The following MBNL3 variants were observed in gnomAD, a reference collection of about 807,000 sequenced individuals.
The protein encoded by MBNL3 is muscleblind like splicing regulator 3, also known as muscleblind-like protein 3.
In MBNL3, 6 loss-of-function variants were observed where a neutral mutation model predicts 24.5. The ratio of observed to expected loss-of-function variants is 0.25; its 90% CI spans 0.13 to 0.48. The LOEUF (loss-of-function observed/expected upper bound fraction) is 0.48, where lower values mean the gene tolerates loss of function less well. Among genes scored for constraint, MBNL3 ranks in the 20% least tolerant of loss-of-function variants. MBNL3 has a pLI of 0.99. For synonymous variants in MBNL3, 100 were observed against 101.7 expected (o/e 0.98, Z 0.10); for missense variants, 230 against 293.5 (o/e 0.78, Z 1.58).
rs1171295236 is a variant in MBNL3 at position 132,372,775 on chromosome X, A to T, written c.*6891T>A. The T allele has an allele frequency of 2.7e-5, 3 of 111,370 alleles. No individual in the cohort carries two copies. Among genetic ancestry groups the T allele is most frequent in the Non-Finnish European group, 3.8e-5 (2 of 52,949 alleles). The allele number at this position is 111,370 out of a possible 1,213,427, so 9.2% of individuals were successfully genotyped here. ...AGGTCTTGTTACAGAGGTATTTTTT[A>T]AAAAACTAATATGATGTAGATGCCT... On this transcript the variant is annotated 3_prime_UTR_variant, in exon 9 of 9. Coordinates refer to ENST00000370853, the MANE Select transcript of MBNL3 (RefSeq NM_001386889.1).
chrX:132,461,722 T>A (rs761206282), intron 1 of MBNL3, among the ~76,000 whole-genome samples: 2 of 111,924 alleles, frequency 1.8e-5, no homozygotes, highest in Non-Finnish European at 3.8e-5. Flanking sequence ...AATGACTGTA[T>A]CTATGTAAAC....
At chrX:132,398,933 A>G (rs1940329816) in intron 3 of MBNL3, among the ~76,000 whole-genome samples, 1 of 111,540 alleles carries the variant, frequency 9.0e-6, no homozygotes. Context: ...CAAATCAGAA[A>G]TTAAGGGGAC....
chrX:132,448,353 C>G (rs1411702454), intron 1 of MBNL3, among the ~76,000 whole-genome samples: 1 of 111,614 alleles, frequency 9.0e-6, no homozygotes, highest in Non-Finnish European at 1.9e-5. Context: ...GATTCGACTT[C>G]TTCCTGGTTT....
chrX:132,468,470 T>C (rs1015070063), intron 1 of MBNL3, among the ~76,000 whole-genome samples: 2 of 112,738 alleles, frequency 1.8e-5, no homozygotes, highest in African/African-American at 6.4e-5. Flanking sequence ...GGTGAGTGTG[T>C]ATGATTTATG....
At chrX:132,383,945 G>A (rs892811178) in intron 7 of MBNL3, among the ~76,000 whole-genome samples, 1 of 111,873 alleles carries the variant, frequency 8.9e-6, no homozygotes, top group Non-Finnish European at 1.9e-5. Flanking sequence ...GTGCCCATGA[G>A]GACTGTAGGA....
chrX:132,442,781 T>C (rs1166314412), intron 1 of MBNL3, among the ~76,000 whole-genome samples: 1 of 112,754 alleles, frequency 8.9e-6, no homozygotes, highest in Non-Finnish European at 1.9e-5. Context: ...AATTTTGGCC[T>C]GTAACCTATG....
At position 132,376,809 on chromosome X, in the gene MBNL3, A is replaced by AT. The variant is rs762148861; in HGVS notation, c.*2856dup. On this transcript the variant is annotated 3_prime_UTR_variant, in exon 9 of 9. Coordinates refer to ENST00000370853, the MANE Select transcript of MBNL3 (RefSeq NM_001386889.1). ...TTAAAGAGTGCTATCTTAAAATTGT[A>AT]TTTTTTTCTGAAAACTCTATTGAAT... 2 of 111,584 alleles carry AT rather than the reference A, an allele frequency of 1.8e-5. No individual in the cohort carries two copies. Among genetic ancestry groups the AT allele is most frequent in the South Asian group, 3.7e-4 (1 of 2,705 alleles). The allele number at this position is 111,584 out of a possible 1,213,427, so 9.2% of individuals were successfully genotyped here.
At chrX:132,388,428 T>TAA (rs1433911907) in intron 5 of MBNL3, among the ~76,000 whole-genome samples, 1 of 112,436 alleles carries the variant, frequency 8.9e-6, no homozygotes, top group African/African-American at 3.2e-5. Flanking sequence ...CCTACTTATC[T>TAA]GGTTGTTAAA....
intron 2 of MBNL3, among the ~76,000 whole-genome samples, chrX:132,427,675 A>G (rs1365604079): frequency 8.9e-6 from 1 of 111,970 alleles, no homozygotes; most frequent in Admixed American, 9.5e-5. Context: ...CTAAGAGATT[A>G]TTGATACTAC....
intron 3 of MBNL3, among the ~76,000 whole-genome samples, chrX:132,400,811 C>T (rs1569430192): frequency 8.9e-6 from 1 of 111,831 alleles, no homozygotes; most frequent in African/African-American, 3.3e-5. Flanking sequence ...GGTAGCACTC[C>T]AGGCACTTCT....
At chrX:132,386,903 T>C in intron 5 of MBNL3, 92 bp from the exon 6 acceptor site, 1 of 1,026,100 alleles carries the variant, frequency 9.7e-7, no homozygotes, top group East Asian at 3.1e-5. Context: ...TTCCTGGGAA[T>C]CCTCCGTAAG....
intron 2 of MBNL3, among the ~76,000 whole-genome samples, chrX:132,426,986 G>T (rs886427101): frequency 9.0e-6 from 1 of 111,541 alleles, no homozygotes; most frequent in Admixed American, 9.5e-5. Flanking sequence ...AATCCTTCTA[G>T]GAAACCACAA....
chrX:132,466,500 G>A (rs1176529624), intron 1 of MBNL3, among the ~76,000 whole-genome samples: 2 of 112,311 alleles, frequency 1.8e-5, no homozygotes, highest in African/African-American at 3.2e-5. Context: ...ATTGCTTTGT[G>A]TAAGGTATTG....
rs995931333 is a variant in MBNL3, at chrX:132,378,561, G to T, written c.*1105C>A. 13 of 111,902 alleles carry T rather than the reference G, an allele frequency of 1.2e-4. No homozygotes were observed. In the South Asian group the frequency reaches 2.6e-3, roughly 22 times the overall value. 9.2% of individuals were successfully genotyped at this position (111,902 alleles called of 1,213,427 possible). A position where few individuals can be genotyped will look rare whatever the true frequency, so the allele number is the denominator to read the frequency against. On this transcript the variant is annotated 3_prime_UTR_variant, in exon 9 of 9. Coordinates refer to ENST00000370853, the MANE Select transcript of MBNL3 (RefSeq NM_001386889.1). The stretch of plus-strand genomic sequence containing the variant: ...TTGTGTAAAAGGTGACATTGCCATG[G>T]TTTTACACACTTTCCTCCAGTACGT...
At position 132,466,172 on chromosome X, in the gene MBNL3, T is replaced by C. The variant is rs752108689; in HGVS notation, c.-704+22679A>G. 3.6e-5 allele frequency among the ~76,000 whole-genome samples: 4 copies of C among 112,662 alleles called. No individual in the cohort carries two copies. The East Asian group carries it at 1.1e-3, about 31-fold the overall frequency. The stretch of plus-strand genomic sequence containing the variant: ...TTGGAAATATTTCTGAAGTGATTTG[T>C]AAAACGTTGTTCCCCCTTAGACATA... On this transcript the variant is annotated intron_variant, in intron 1 of 8. Transcript: ENST00000370853.
Position 132,379,296 on chromosome X carries a change from A to G in MBNL3, c.*370T>C. On this transcript the variant is annotated 3_prime_UTR_variant, in exon 9 of 9. Coordinates refer to ENST00000370853, the MANE Select transcript of MBNL3 (RefSeq NM_001386889.1). Reference sequence around the variant, plus strand: ...AAGGTAACACTTCAAAAACAGATGAACAATTTATCCACCAAGAATGTATAT... The same window carrying G: ...AAGGTAACACTTCAAAAACAGATGAGCAATTTATCCACCAAGAATGTATAT... 6.3e-6 allele frequency: 1 copy of G among 157,943 alleles called. No homozygotes were observed. The highest frequency in any genetic ancestry group is 1.2e-5 in the Non-Finnish European group (1 of 83,154). The allele number at this position is 157,943 out of a possible 1,213,427, so 13.0% of individuals were successfully genotyped here.
chrX:132,452,619 T>C (rs778378360), intron 1 of MBNL3, among the ~76,000 whole-genome samples: 73 of 112,852 alleles, frequency 6.5e-4, no homozygotes, highest in African/African-American at 2.1e-3. Flanking sequence ...TATTCCATCA[T>C]TCATTTTATC....
At chrX:132,413,564 A>T in intron 2 of MBNL3, 1 of 1,139,028 alleles carries the variant, frequency 8.8e-7, no homozygotes, top group Non-Finnish European at 1.2e-6. Context: ...AGTAGAAGAC[A>T]CTCTCAGCCC....
At chrX:132,422,962 C>T (rs773804276) in intron 2 of MBNL3, among the ~76,000 whole-genome samples, 4 of 111,742 alleles carry the variant, frequency 3.6e-5, no homozygotes, top group Non-Finnish European at 7.5e-5. Context: ...AACCCCTGCT[C>T]TAAGGGAATA....
Sources: gnomAD v4.1 joint callset for allele counts (sites outside exome capture counted in the v4.1 genomes callset) on GRCh38, gnomAD v4.1.1 for gene constraint, MANE v1.5 for transcripts, NCBI Gene and HGNC (gene_info 2026-07-23, HGNC 2026-07-21) for gene names.